Variants in PCLO observed in about 807,000 individuals in gnomAD.
PCLO encodes the protein piccolo presynaptic cytomatrix protein.
Under a neutral mutation model 427.5 loss-of-function variants are expected in PCLO, and 82 were observed. The ratio of observed to expected loss-of-function variants is 0.19; its 90% confidence interval spans 0.16 to 0.23. The LOEUF (loss-of-function observed/expected upper bound fraction) is 0.23. Ranked by LOEUF, PCLO falls within the 10% of genes least tolerant of loss-of-function variation. PCLO has a pLI of 1.00. For missense variants in PCLO, 6,239 were observed against 6,115.9 expected, an observed-to-expected ratio of 1.02 and a Z score of -0.67; for synonymous variants, 2,357 against 2,155.4, an observed-to-expected ratio of 1.09 and a Z score of -2.59.
chr7:83,140,417 T>C (rs980926018), intron 2 of PCLO, among the ~76,000 whole-genome samples: 1 of 152,240 alleles, frequency 6.6e-6, no homozygotes, highest in Non-Finnish European at 1.5e-5. Context: ...GTTGGTGTTC[T>C]TATGCTAGTA....
chr7:82,834,957 TTTG>T (rs1276146661), intron 16 of PCLO, among the ~76,000 whole-genome samples: 4 of 61,090 alleles, frequency 6.5e-5, no homozygotes, highest in African/African-American at 1.6e-4. Flanking sequence ...TTTTTTTTTG[TTTG>T]TTTGTTTGTT....
At chr7:82,941,486 G>A (rs1457606722) in intron 6 of PCLO, among the ~76,000 whole-genome samples, 1 of 152,084 alleles carries the variant, frequency 6.6e-6, no homozygotes, top group Admixed American at 6.5e-5. Flanking sequence ...GGTAGGTACA[G>A]GTGTGCAAAG....
chr7:83,010,534 T>A (rs1016747049), intron 3 of PCLO, among the ~76,000 whole-genome samples: 1 of 151,164 alleles, frequency 6.6e-6, no homozygotes, highest in Non-Finnish European at 1.5e-5. Flanking sequence ...ATTTATATTT[T>A]ATTTTATATC....
At chr7:82,908,740 T>G in intron 8 of PCLO, 137 bp downstream of exon 8, 1 of 752,668 alleles carries the variant, frequency 1.3e-6, no homozygotes, top group Non-Finnish European at 2.1e-6. Flanking sequence ...GTGTTACTCC[T>G]TTATGTTATT....
chr7:82,782,455 C>G (rs534566875), intron 22 of PCLO, among the ~76,000 whole-genome samples: 1 of 152,212 alleles, frequency 6.6e-6, no homozygotes, highest in East Asian at 1.9e-4. Context: ...TTGCTTAAAT[C>G]ACAGGGACTG....
chr7:83,133,081 A>G (rs1375109400), intron 3 of PCLO, among the ~76,000 whole-genome samples: 1 of 152,070 alleles, frequency 6.6e-6, no homozygotes, highest in Non-Finnish European at 1.5e-5. Flanking sequence ...AACTTGTAGC[A>G]ACAACATTTT....
intron 3 of PCLO, among the ~76,000 whole-genome samples, chr7:83,020,362 T>G (rs1788312289): frequency 1.3e-5 from 2 of 151,934 alleles, no homozygotes; most frequent in Admixed American, 1.3e-4. Flanking sequence ...CTCTCCCAAT[T>G]TAAGTGTGGA....
In PCLO at chr7:82,908,985, A is replaced by G. The variant is rs1344555441; in HGVS notation, c.13329T>C (p.Asp4443=). The change falls in exon 8 of 25, where the codon GAT becomes GAC. Residue 4443 remains aspartate (D), a synonymous_variant. Transcript: ENST00000333891. ...EAYHLRREET[D]WFDKPRESRL... is the part of the protein sequence containing the mutation. ...GAGACTCCCTGGGTTTATCAAACCA[A>G]TCTGTTTCCTCACGACGCAGATGAT... The G allele has an allele frequency of 7.4e-6, 12 of 1,612,700 alleles. No homozygotes were observed. Among genetic ancestry groups the G allele is most frequent in the Non-Finnish European group, 1.0e-5 (12 of 1,179,188 alleles).
intron 2 of PCLO, among the ~76,000 whole-genome samples, chr7:83,142,537 G>T (rs543539992): frequency 6.6e-6 from 1 of 152,164 alleles, no homozygotes; most frequent in South Asian, 2.1e-4. Context: ...CATCATCAAT[G>T]AACATCTGCT....
At chr7:83,101,694 G>T (rs780679848) in intron 3 of PCLO, among the ~76,000 whole-genome samples, 1 of 152,054 alleles carries the variant, frequency 6.6e-6, no homozygotes, top group African/African-American at 2.4e-5. Context: ...TTTCAGTGCC[G>T]CAGTGGCTGA....
At chr7:82,865,211 G>T (rs1793062607) in intron 10 of PCLO, among the ~76,000 whole-genome samples, 1 of 152,094 alleles carries the variant, frequency 6.6e-6, no homozygotes, top group African/African-American at 2.4e-5. Flanking sequence ...ACAAATGCCG[G>T]GCATGGCGGC....
rs989188919 is a variant in PCLO, at chr7:82,956,670, G to A, written c.4283C>T (p.Ala1428Val). ...TGTTTTCTTTTCTGACTTTTCATCA[G>A]CAAGTGTACTTGCTTGAGCTTCCAA... ...SILEAQASTL[A>V]DEKSEKKTQP... Residue 1428 changes from alanine to valine, a missense_variant, in exon 5 of 25, where the codon GCT (alanine) becomes GTT (valine). Coordinates refer to ENST00000333891, the MANE Select transcript of PCLO (RefSeq NM_033026.6). 6.2e-7 allele frequency: 1 copy of A among 1,613,788 alleles called. No individual in the cohort carries two copies. The highest frequency in any genetic ancestry group is 1.7e-5 in the Admixed American group (1 of 60,008).
rs562260328 is a variant in PCLO, at chr7:82,783,963, A to G, written c.15007+17555T>C. The stretch of plus-strand genomic sequence containing the variant: ...CATGTATGTATATATAGACACATAC[A>G]TACATGAATCCGGAAGAAATAGGCA... On this transcript the variant is annotated intron_variant, in intron 22 of 24. Coordinates refer to ENST00000333891, the MANE Select transcript of PCLO (RefSeq NM_033026.6). Among the ~76,000 whole-genome samples, 32 of 150,494 alleles carry G rather than the reference A, an allele frequency of 2.1e-4. 1 individual carries two copies. In the South Asian group the frequency reaches 6.4e-3, roughly 30 times the overall value.
intron 3 of PCLO, among the ~76,000 whole-genome samples, chr7:83,124,907 G>A (rs893442155): frequency 1.6e-4 from 25 of 152,088 alleles, no homozygotes; most frequent in Non-Finnish European, 2.5e-4. Flanking sequence ...GGCGCACGCC[G>A]CCACGCCTGA....
At chr7:82,780,893 T>G (rs536021091) in intron 22 of PCLO, among the ~76,000 whole-genome samples, 1 of 152,210 alleles carries the variant, frequency 6.6e-6, no homozygotes, top group Admixed American at 6.5e-5. Flanking sequence ...TCAGATTGGT[T>G]GTTGTATGTT....
chr7:83,104,991 C>A (rs185760375), intron 3 of PCLO, among the ~76,000 whole-genome samples: 20 of 152,176 alleles, frequency 1.3e-4, no homozygotes, highest in South Asian at 4.1e-4. Context: ...GTAGCAAGAT[C>A]CTAAATATTC....
intron 3 of PCLO, among the ~76,000 whole-genome samples, chr7:83,034,007 A>G (rs1340268817): frequency 6.6e-6 from 1 of 152,204 alleles, no homozygotes; most frequent in Non-Finnish European, 1.5e-5. Context: ...GCCTTATTCA[A>G]GTAATGCTCA....
At chr7:83,014,884 CT>C (rs1026844489) in intron 3 of PCLO, among the ~76,000 whole-genome samples, 7 of 152,100 alleles carry the variant, frequency 4.6e-5, no homozygotes, top group Non-Finnish European at 1.0e-4. Flanking sequence ...TATGTACTCC[CT>C]TTTTTTAGTC....
At position 82,826,604 on chromosome 7, in the gene PCLO, G is replaced by A. The variant is rs746716780; in HGVS notation, c.14400C>T (p.Asn4800=). The part of the protein sequence containing the change: ...TVWDYDRFSS[N]DFLGEVLIDL... ...AGAGGCTTACCTCCCCAAGGAAGTC[G>A]TTGGATGAAAATCTATCATAATCCC... is the stretch of plus-strand genomic sequence containing the variant. The change falls in exon 18 of 25, where the codon AAC becomes AAT. Residue 4800 remains asparagine (N), a synonymous_variant. Transcript: ENST00000333891. 21 of 1,604,824 alleles carry A rather than the reference G, an allele frequency of 1.3e-5. No homozygotes were observed. The highest frequency in any genetic ancestry group is 1.6e-5 in the Non-Finnish European group (19 of 1,174,058).
Sources: gnomAD v4.1 joint callset for allele counts (sites outside exome capture counted in the v4.1 genomes callset) on GRCh38, gnomAD v4.1.1 for gene constraint, MANE v1.5 for transcripts, NCBI Gene and HGNC (gene_info 2026-07-23, HGNC 2026-07-21) for gene names.